ANXA5: variants seen among roughly 807,000 people sequenced by gnomAD.
The protein encoded by ANXA5 is CBP-I.
In ANXA5, 40 loss-of-function variants were observed where a neutral mutation model predicts 48.1. The ratio of observed to expected loss-of-function variants is 0.83; its 90% CI spans 0.65 to 1.08. ANXA5 has a LOEUF of 1.08. Among genes scored for constraint, ANXA5 ranks in the 50% least tolerant of loss-of-function variants. The probability of loss-of-function intolerance (pLI) is 0.00; values close to 1 mark genes in which losing one functional copy is unlikely to be tolerated. For missense variants in ANXA5, 357 were observed against 376.8 expected, an observed-to-expected ratio of 0.95 and a Z score of 0.44; for synonymous variants, 113 against 129.1, an observed-to-expected ratio of 0.88 and a Z score of 0.85.
intron 12 of ANXA5, among the ~76,000 whole-genome samples, chr4:121,668,856 G>A (rs897590770): frequency 2.0e-5 from 3 of 151,782 alleles, no homozygotes; most frequent in African/African-American, 7.3e-5. Flanking sequence ...CTCTCCCTCC[G>A]AGACAGAAGG....
chr4:121,685,551 A>G (rs17051384), intron 3 of ANXA5, among the ~76,000 whole-genome samples: 2,768 of 152,302 alleles, frequency 0.018, 90 homozygotes, highest in African/African-American at 0.063. Flanking sequence ...CTGAGAACAC[A>G]TTAAACAGTA....
intron 6 of ANXA5, chr4:121,681,404 C>A: frequency 3.2e-6 from 1 of 313,530 alleles, no homozygotes; most frequent in Non-Finnish European, 5.8e-6. Context: ...CCTGTATATC[C>A]CTACACTAAT....
rs1724555250 is a variant in ANXA5 at position 121,668,368 on chromosome 4, G to A, written c.*100C>T. On this transcript the variant is annotated 3_prime_UTR_variant, in exon 13 of 13. Transcript: ENST00000296511. ...TCATGAGCATGCTAGTATGAATAAG[G>A]CAATGTGTTAAGCACTGGCATACAA... 3.0e-6 allele frequency: 3 copies of A among 1,001,792 alleles called. No individual in the cohort carries two copies. The highest frequency in any genetic ancestry group is 3.6e-5 in the Admixed American group (2 of 56,006). The allele number at this position is 1,001,792 out of a possible 1,614,324, so 62.1% of individuals were successfully genotyped here.
At chr4:121,686,107 G>A (rs1419418196) in intron 3 of ANXA5, among the ~76,000 whole-genome samples, 181 bp downstream of exon 3, 1 of 146,364 alleles carries the variant, frequency 6.8e-6, no homozygotes, top group Non-Finnish European at 1.5e-5. Context: ...TTCTTCCAAT[G>A]TGGCCCAGAG....
chr4:121,678,215 A>G (rs1252188647), intron 7 of ANXA5, 200 bp downstream of exon 7: 2 of 610,754 alleles, frequency 3.3e-6, no homozygotes. Flanking sequence ...TAAAACATGT[A>G]TGAGTTAGCT....
At chr4:121,678,620 C>G in intron 6 of ANXA5, 126 bp from the exon 7 acceptor site, 1 of 792,654 alleles carries the variant, frequency 1.3e-6, no homozygotes, top group Non-Finnish European at 2.0e-6. Flanking sequence ...TAAATTCCCT[C>G]TATTCCATCT....
intron 9 of ANXA5, 25 bp downstream of exon 9, chr4:121,672,508 C>T: frequency 6.5e-7 from 1 of 1,543,598 alleles, no homozygotes; most frequent in Non-Finnish European, 9.0e-7. Context: ...AATGTATCTG[C>T]CCCATACAGA....
rs183573902 is a variant in ANXA5 at position 121,686,277 on chromosome 4, G to A, written c.94+11C>T. 2.3e-4 allele frequency: 367 copies of A among 1,605,524 alleles called. No individual in the cohort carries two copies. The African/African-American group carries it at 4.4e-3, about 19-fold the overall frequency. On this transcript the variant is annotated intron_variant, in intron 3 of 12. Transcript: ENST00000296511. ...ATCACATTTGCTTTAGAAAGAGGAA[G>A]CTAAATTTACCCAAGCCTTTCATAG... is the stretch of plus-strand genomic sequence containing the variant.
At chr4:121,671,521 A>C (rs749628486) in intron 10 of ANXA5, 26 bp downstream of exon 10, 1 of 1,552,254 alleles carries the variant, frequency 6.4e-7, no homozygotes, top group African/African-American at 1.4e-5. Flanking sequence ...ACCACCAAAA[A>C]TATCAATACA....
intron 2 of ANXA5, among the ~76,000 whole-genome samples, chr4:121,694,909 C>T (rs780683029): frequency 1.4e-4 from 22 of 152,188 alleles, no homozygotes; most frequent in Non-Finnish European, 2.8e-4. Context: ...TTTCTATACA[C>T]ATGGCCTTTA....
intron 3 of ANXA5, among the ~76,000 whole-genome samples, chr4:121,685,574 T>A (rs778731819): frequency 5.9e-5 from 9 of 151,824 alleles, no homozygotes; most frequent in Admixed American, 5.9e-4. Context: ...GGGAGATGAG[T>A]CTGAAAAGGT....
At chr4:121,678,629 C>T (rs1325888482) in intron 6 of ANXA5, 135 bp from the exon 7 acceptor site, 4 of 735,846 alleles carry the variant, frequency 5.4e-6, no homozygotes, top group Non-Finnish European at 8.8e-6. Context: ...TCTATTCCAT[C>T]TCTGAATGCT....
chr4:121,694,116 GAGGGA>G (rs1348785529), intron 2 of ANXA5, among the ~76,000 whole-genome samples: 80 of 46,448 alleles, frequency 1.7e-3, no homozygotes, highest in African/African-American at 3.2e-3. Context: ...GGGGAGGGGG[GAGGGA>G]TAGCATTAGG....
At position 121,668,079 on chromosome 4, in the gene ANXA5, CTTCACTAA is replaced by C. The variant is rs1425306031; in HGVS notation, c.*381_*388del. The C allele has an allele frequency of 6.3e-6, 1 of 159,538 alleles. No individual in the cohort carries two copies. The highest frequency in any genetic ancestry group is 1.4e-5 in the Non-Finnish European group (1 of 73,094). 9.9% of individuals were successfully genotyped at this position (159,538 alleles called of 1,614,324 possible). A position where few individuals can be genotyped will look rare whatever the true frequency, so the allele number is the denominator to read the frequency against. On this transcript the variant is annotated 3_prime_UTR_variant, in exon 13 of 13. Transcript: ENST00000296511. ...TTTACAGGTTTAGTTTAGTTGCGAA[CTTCACTAA>C]TAACATTTCCAAGAGTTCACAATTT...
chr4:121,694,095 T>C (rs1009812969), intron 2 of ANXA5, among the ~76,000 whole-genome samples: 8 of 61,482 alleles, frequency 1.3e-4, no homozygotes, highest in African/African-American at 5.3e-4. Flanking sequence ...CCGGGGCCTA[T>C]TGTGGGCGGG....
intron 12 of ANXA5, 43 bp downstream of exon 12, chr4:121,669,559 T>C (rs1184961487): frequency 6.2e-7 from 1 of 1,610,476 alleles, no homozygotes; most frequent in Admixed American, 1.7e-5. Flanking sequence ...CATACCAGTC[T>C]GCTTTGGATT....
chr4:121,672,700 T>C (rs1724632860), intron 8 of ANXA5, 74 bp from the exon 9 acceptor site: 1 of 1,050,268 alleles, frequency 9.5e-7, no homozygotes, highest in African/African-American at 1.6e-5. Context: ...CACTTGTTTT[T>C]TACTCCCTGA....
intron 3 of ANXA5, 71 bp from the exon 4 acceptor site, chr4:121,684,842 C>T: frequency 8.3e-7 from 1 of 1,198,518 alleles, no homozygotes; most frequent in East Asian, 2.4e-5. Flanking sequence ...TGGCAACTCG[C>T]TTCCCAGTCA....
In ANXA5 at chr4:121,669,660, A is replaced by C. The variant is rs765914151; in HGVS notation, c.845T>G (p.Phe282Cys). The C allele has an allele frequency of 6.2e-7, 1 of 1,613,668 alleles. No homozygotes were observed. Among genetic ancestry groups the C allele is most frequent in the Non-Finnish European group, 8.5e-7 (1 of 1,179,768 alleles). The change falls in exon 12 of 13, where the codon TTT becomes TGT. Residue 282 changes from phenylalanine (F) to cysteine (C), a missense_variant. Physicochemically the swap from Phe to Cys is radical, Grantham distance 205. Coordinates refer to ENST00000296511, the MANE Select transcript of ANXA5 (RefSeq NM_001154.4). ...CTTCCTAAACTCCTTCCTGATGTTA[A>C]ACAGATCAATCTCACTCCTGGAAAC... ...VMVSRSEIDL[F>C]NIRKEFRKNF... is the part of the protein sequence containing the mutation.
Sources: allele counts gnomAD v4.1 joint callset (sites outside exome capture counted in the v4.1 genomes callset), GRCh38; gene constraint gnomAD v4.1.1; transcripts MANE v1.5; gene names NCBI Gene and HGNC (gene_info 2026-07-23, HGNC 2026-07-21).